The following ZDHHC24 variants were observed in gnomAD, a reference collection of about 807,000 sequenced individuals.
ZDHHC24 encodes the protein zDHHC palmitoyltransferase 24, also known as probable palmitoyltransferase ZDHHC24.
ZDHHC24 carries 17 observed loss-of-function variants against 23.2 expected under a neutral mutation model. The observed-to-expected ratio is 0.73, with a 90% CI of 0.50 to 1.10. ZDHHC24 has a LOEUF of 1.10. Among genes scored for constraint, ZDHHC24 ranks in the 50% least tolerant of loss-of-function variants. The probability of loss-of-function intolerance (pLI) is 0.00; values close to 1 mark genes in which losing one functional copy is unlikely to be tolerated. For synonymous variants in ZDHHC24, 186 were observed against 194.5 expected (o/e 0.96, Z 0.36); for missense variants, 366 against 393.0 (o/e 0.93, Z 0.58).
rs1857007715 is a variant in ZDHHC24, at chr11:66,537,581, A to T, written c.*1948T>A. The stretch of plus-strand genomic sequence containing the variant: ...CCGGGCACGGTGGCTCACACCTGTA[A>T]TCCCAGCACTTTGGGAGGCCAAGGC... On this transcript the variant is annotated 3_prime_UTR_variant, in exon 3 of 3. Transcript: ENST00000310442. 6.9e-6 allele frequency: 1 copy of T among 145,514 alleles called. No individual in the cohort carries two copies. The highest frequency in any genetic ancestry group is 2.1e-4 in the South Asian group (1 of 4,686). The allele number at this position is 145,514 out of a possible 1,614,324, so 9.0% of individuals were successfully genotyped here.
chr11:66,533,923 C>T (rs1282299025), downstream of ZDHHC24, among the ~76,000 whole-genome samples: 1 of 152,264 alleles, frequency 6.6e-6, no homozygotes, highest in Non-Finnish European at 1.5e-5. Context: ...AATCCCAGCA[C>T]TTTGGGAGGC....
chr11:66,523,019 A>T, intron 4 of ZDHHC24: 2 of 390,368 alleles, frequency 5.1e-6, no homozygotes, highest in Non-Finnish European at 1.0e-5. Flanking sequence ...ACTTTCTGGA[A>T]AGGGAAACTA....
At chr11:66,539,937 G>T in intron 2 of ZDHHC24, 113 bp from the exon 3 acceptor site, 1 of 1,109,470 alleles carries the variant, frequency 9.0e-7, no homozygotes, top group Non-Finnish European at 1.2e-6. Context: ...CAAACCCTGT[G>T]TCGATACTCG....
rs1004133953 is a variant in ZDHHC24 at position 66,538,943 on chromosome 11, G to C, written c.*586C>G. 1 of 152,418 alleles carries C rather than the reference G, an allele frequency of 6.6e-6. No individual in the cohort carries two copies. Among genetic ancestry groups the C allele is most frequent in the Non-Finnish European group, 1.5e-5 (1 of 68,228 alleles). The allele number at this position is 152,418 out of a possible 1,614,324, so 9.4% of individuals were successfully genotyped here. A position where few individuals can be genotyped will look rare whatever the true frequency, so the allele number is the denominator to read the frequency against. ...TGCCGCACCATGATCTTACCACATG[G>C]ATTCTTAGAGCGTAACTGCTGCCCC... On this transcript the variant is annotated 3_prime_UTR_variant, in exon 3 of 3. Coordinates refer to ENST00000310442, the MANE Select transcript of ZDHHC24 (RefSeq NM_207340.3).
At chr11:66,544,579 C>G (rs1469742310) in intron 1 of ZDHHC24, among the ~76,000 whole-genome samples, 1 of 152,168 alleles carries the variant, frequency 6.6e-6, no homozygotes, top group Non-Finnish European at 1.5e-5. Flanking sequence ...CACTTGTTAC[C>G]TCTGCCTGGA....
intron 2 of ZDHHC24, chr11:66,529,581 A>G: frequency 2.9e-6 from 2 of 693,726 alleles, no homozygotes; most frequent in Admixed American, 4.1e-5. Flanking sequence ...CCAGTGAAGG[A>G]GCTAGATAGT....
chr11:66,529,432 G>A (rs908293540), exon 3 of ZDHHC24: 9 of 914,626 alleles, frequency 9.8e-6, no homozygotes, highest in African/African-American at 8.2e-5. Flanking sequence ...AATATCGAGC[G>A]TGGACACCAA....
chr11:66,527,062 AC>A (rs1856545541), intron 3 of ZDHHC24: 1 of 1,513,582 alleles, frequency 6.6e-7, no homozygotes, highest in African/African-American at 1.4e-5. Context: ...TCACTTCCAA[AC>A]GCAGGAATTC....
chr11:66,526,961 GAGGT>G lies in ZDHHC24; in HGVS notation c.778_781del (p.Thr260ProfsTer20). On this transcript the variant is annotated frameshift_variant, in exon 4 of 5. Transcript: ENST00000526986. LOFTEE classifies it high-confidence loss of function. ...CTCTGCAAATCCAGGGACAGCCTAG[GAGGT>G]ACACGTTGCCTGCAAATCACTGTTC... The G allele has an allele frequency of 6.4e-7, 1 of 1,562,946 alleles. No homozygotes were observed. The highest frequency in any genetic ancestry group is 8.6e-7 in the Non-Finnish European group (1 of 1,160,436).
chr11:66,529,018 C>G, intron 3 of ZDHHC24: 1 of 853,510 alleles, frequency 1.2e-6, no homozygotes, highest in Non-Finnish European at 1.4e-6. Flanking sequence ...TTCTTCATAC[C>G]AGCCACAAAA....
downstream of ZDHHC24, among the ~76,000 whole-genome samples, chr11:66,533,858 A>C (rs1590785876): frequency 6.6e-6 from 1 of 152,174 alleles, no homozygotes; most frequent in Admixed American, 6.5e-5. Context: ...ATATCCTCAA[A>C]TATCTTCTTT....
intron 4 of ZDHHC24, chr11:66,524,091 C>T (rs1856377444): frequency 1.1e-5 from 7 of 653,946 alleles, no homozygotes; most frequent in Non-Finnish European, 1.9e-5. Context: ...ACCAGCCTAG[C>T]CAACATGGCA....
chr11:66,520,969 T>G (rs1856190595), downstream of ZDHHC24: 1 of 417,536 alleles, frequency 2.4e-6, no homozygotes, highest in South Asian at 2.1e-5. Flanking sequence ...TCCACCCGCC[T>G]CAGCCTCTCA....
Position 66,537,048 on chromosome 11 carries a change from G to A in ZDHHC24, c.*2481C>T, listed in dbSNP as rs1421519504. 2.0e-5 allele frequency: 3 copies of A among 151,878 alleles called. No individual in the cohort carries two copies. The highest frequency in any genetic ancestry group is 6.6e-5 in the Admixed American group (1 of 15,256). 9.4% of individuals were successfully genotyped at this position (151,878 alleles called of 1,614,324 possible). ...GCCTGTTACAAAAACAACCAGCCAA[G>A]CAGCTCAGATCTTTGTGGGCATGGG... On this transcript the variant is annotated 3_prime_UTR_variant, in exon 3 of 3. Coordinates refer to ENST00000310442, the MANE Select transcript of ZDHHC24 (RefSeq NM_207340.3).
chr11:66,529,171 G>T (rs1856650433), intron 3 of ZDHHC24: 1 of 1,250,044 alleles, frequency 8.0e-7, no homozygotes, highest in African/African-American at 1.6e-5. Context: ...GCCCAGTCTG[G>T]AAGAGGAGGG....
At chr11:66,535,175 G>A (rs956368738), downstream of ZDHHC24, among the ~76,000 whole-genome samples, 2 of 150,906 alleles carry the variant, frequency 1.3e-5, no homozygotes, top group South Asian at 4.2e-4. Flanking sequence ...TTACAGGCAT[G>A]AGCCACCACA....
At chr11:66,534,928 C>G (rs1413088972), downstream of ZDHHC24, among the ~76,000 whole-genome samples, 3 of 151,796 alleles carry the variant, frequency 2.0e-5, no homozygotes, top group Non-Finnish European at 4.4e-5. Context: ...ATCTCCTCAC[C>G]TCGTGATCTG....
At chr11:66,531,956 G>C (rs766975911), downstream of ZDHHC24, 7 of 1,592,980 alleles carry the variant, frequency 4.4e-6, no homozygotes, top group African/African-American at 8.1e-5. Context: ...CATAGGTGCT[G>C]GTGCTTCGAG....
chr11:66,521,807 A>C (rs1856233875), intron 4 of ZDHHC24, among the ~76,000 whole-genome samples: 1 of 148,796 alleles, frequency 6.7e-6, no homozygotes, highest in African/African-American at 2.5e-5. Context: ...CGGGAGGCTA[A>C]GGTAGGAGAA....
Sources: allele counts gnomAD v4.1 joint callset (sites outside exome capture counted in the v4.1 genomes callset), GRCh38; gene constraint gnomAD v4.1.1; transcripts MANE v1.5; gene names NCBI Gene and HGNC (gene_info 2026-07-23, HGNC 2026-07-21).